Variants in SETD1B observed in about 807,000 individuals in gnomAD.
The protein encoded by SETD1B is SET domain containing 1B, histone lysine methyltransferase.
Under a neutral mutation model 148.0 loss-of-function variants are expected in SETD1B, and 7 were observed. That is an observed-to-expected ratio of 0.05 (90% CI 0.03 to 0.09). The LOEUF (loss-of-function observed/expected upper bound fraction) is 0.09. Ranked by LOEUF, SETD1B falls within the 10% of genes least tolerant of loss-of-function variation. SETD1B has a pLI of 1.00. For synonymous variants in SETD1B, 1,361 were observed against 1,186.5 expected (o/e 1.15, Z -3.02); for missense variants, 2,155 against 2,729.9 (o/e 0.79, Z 4.69).
At position 121,825,295 on chromosome 12, in the gene SETD1B, G is replaced by A. The variant is rs766680716; in HGVS notation, c.5266G>A (p.Asp1756Asn). 1.3e-6 allele frequency: 2 copies of A among 1,551,782 alleles called. No individual in the cohort carries two copies. Among genetic ancestry groups the A allele is most frequent in the African/African-American group, 1.4e-5 (1 of 73,172 alleles). ...CARSEGFYTI[D>N]KKDKLRYLNS... ...CCGCAGTGAGGGCTTCTACACCATC[G>A]ACAAGAAGGACAAGCTCAGATACCT... The change falls in exon 13 of 17, where the codon GAC becomes AAC. Residue 1756 changes from aspartate (D) to asparagine (N), a missense_variant. Coordinates refer to ENST00000604567, the MANE Select transcript of SETD1B (RefSeq NM_001353345.2).
At chr12:121,793,074 C>A in the SETD1B span, 1 of 1,259,946 alleles carries the variant, frequency 7.9e-7, no homozygotes, top group Non-Finnish European at 1.1e-6. Flanking sequence ...GGCGGGGACA[C>A]CCAGTGGGGG....
chr12:121,804,966 C>G lies in SETD1B; in HGVS notation c.174+55C>G. The G allele has an allele frequency of 6.8e-7, 1 of 1,472,524 alleles. No individual in the cohort carries two copies. The highest frequency in any genetic ancestry group is 9.0e-7 in the Non-Finnish European group (1 of 1,105,182). 91.2% of individuals were successfully genotyped at this position (1,472,524 alleles called of 1,614,324 possible). A position where few individuals can be genotyped will look rare whatever the true frequency, so the allele number is the denominator to read the frequency against. Reference sequence around the variant, plus strand: ...GCCCCGCGTCGTGTCCGGGGAGACGCGCCTAGCGGCCAGGGACCCCCCGCC... The same window carrying G: ...GCCCCGCGTCGTGTCCGGGGAGACGGGCCTAGCGGCCAGGGACCCCCCGCC... On this transcript the variant is annotated intron_variant, in intron 2 of 16. Coordinates refer to ENST00000604567, the MANE Select transcript of SETD1B (RefSeq NM_001353345.2). This position sits in a 1 kb window ranked among gnomAD's most constrained non-coding sequence, Gnocchi z 4.6.
At chr12:121,824,857 A>T (rs1214993575) in intron 12 of SETD1B, among the ~76,000 whole-genome samples, 1 of 151,986 alleles carries the variant, frequency 6.6e-6, no homozygotes, top group Non-Finnish European at 1.5e-5. Flanking sequence ...TACAAAAAAA[A>T]TCCAGAAATT....
rs1421949602 is a variant in SETD1B, at chr12:121,804,318, A to AGCGGGCGG, written c.-15+94_-15+101dup. 4 of 143,204 alleles carry AGCGGGCGG rather than the reference A, an allele frequency of 2.8e-5. No homozygotes were observed. The highest frequency in any genetic ancestry group is 1.0e-4 in the African/African-American group (4 of 39,432). 8.9% of individuals were successfully genotyped at this position (143,204 alleles called of 1,614,324 possible). A position where few individuals can be genotyped will look rare whatever the true frequency, so the allele number is the denominator to read the frequency against. On this transcript the variant is annotated intron_variant, in intron 1 of 16. Coordinates refer to ENST00000604567, the MANE Select transcript of SETD1B (RefSeq NM_001353345.2). This position sits in a 1 kb window ranked among gnomAD's most constrained non-coding sequence, Gnocchi z 4.6. ...GCCCCGGCCCTGGCCCGAGCGGGCG[A>AGCGGGCGG]GCGGGCGGGCGGGCGGCGGCGCCGC...
rs748283451 is a variant in SETD1B, at chr12:121,809,965, C to T, written c.1020C>T (p.Ala340=). The T allele has an allele frequency of 1.8e-5, 28 of 1,550,816 alleles. No individual in the cohort carries two copies. Among genetic ancestry groups the T allele is most frequent in the East Asian group, 2.4e-5 (1 of 40,930 alleles). Residue 340 remains alanine, a synonymous_variant, in exon 6 of 17, where the codon GCC becomes GCT. Transcript: ENST00000604567. ...ATTCTCCCGCGGTCACTGCGGTGGC[C>T]GGGGCCACAGCCGCTTTCCGGGGTT... ...VHNSPAVTAV[A]GATAAFRGSS... is the part of the protein sequence containing the mutation.
Position 121,806,058 on chromosome 12 carries a change from G to A in SETD1B, c.497G>A (p.Ser166Asn), listed in dbSNP as rs1221662855. Residue 166 changes from serine to asparagine, a missense_variant, in exon 4 of 17, where the codon AGC (serine) becomes AAC (asparagine). Around this residue, in one of 11 missense-constraint regions of SETD1B, gnomAD observed 124 missense variants for 282.9 expected, o/e 0.44. Transcript: ENST00000604567. The stretch of plus-strand genomic sequence containing the variant: ...AAGGATGCCGTTCAGCACTTGCACA[G>A]CACTTCCGTCATGGGCAACATTATC... ...GAKDAVQHLH[S>N]TSVMGNIIHV... The A allele has an allele frequency of 5.8e-6, 9 of 1,551,600 alleles. No homozygotes were observed.
chr12:121,823,771 C>T (rs1403195464), intron 12 of SETD1B, 22 bp downstream of exon 12: 2 of 1,525,742 alleles, frequency 1.3e-6, no homozygotes, highest in Non-Finnish European at 1.8e-6. Context: ...GCATGGGGGG[C>T]TCTGCACCTT....
chr12:121,812,533 C>A (rs769815573), intron 6 of SETD1B, among the ~76,000 whole-genome samples: 4 of 152,020 alleles, frequency 2.6e-5, no homozygotes, highest in Middle Eastern at 6.8e-3. Flanking sequence ...CTTCTCACCC[C>A]GAGACTGCTG....
Position 121,823,452 on chromosome 12 carries a change from C to T in SETD1B, c.4873C>T (p.Arg1625Cys), listed in dbSNP as rs1490192766. 6 of 1,549,688 alleles carry T rather than the reference C, an allele frequency of 3.9e-6. No individual in the cohort carries two copies. Among genetic ancestry groups the T allele is most frequent in the African/African-American group, 1.4e-5 (1 of 72,888 alleles). ...SEAIPPGPRG[R>C]DEVTEEYMEL... ...GGCCATTCCTCCGGGCCCCCGTGGGCGCGATGAGGTCACTGAGGAATACAT... is the reference window on the plus strand; with the variant it reads ...GGCCATTCCTCCGGGCCCCCGTGGGTGCGATGAGGTCACTGAGGAATACAT... The change falls in exon 12 of 17, where the codon CGC (arginine) becomes TGC (cysteine). Residue 1625 changes from arginine to cysteine, a missense_variant. By Grantham distance (180) the Arg-to-Cys change is radical (BLOSUM62 -3). Coordinates refer to ENST00000604567, the MANE Select transcript of SETD1B (RefSeq NM_001353345.2).
In SETD1B at chr12:121,805,789, A is replaced by G. The variant is rs1875714140; in HGVS notation, c.274-46A>G. The G allele has an allele frequency of 1.3e-6, 2 of 1,514,348 alleles. No individual in the cohort carries two copies. The highest frequency in any genetic ancestry group is 2.1e-5 in the Admixed American group (1 of 48,584). The allele number at this position is 1,514,348 out of a possible 1,614,324, so 93.8% of individuals were successfully genotyped here. ...CGGGGGGGATGTTGTGTTTTCCCTT[A>G]GGTTTAAACGTTCTTCAAACTCCCT... On this transcript the variant is annotated intron_variant, in intron 3 of 16. Transcript: ENST00000604567. This position sits in a 1 kb window ranked among gnomAD's most constrained non-coding sequence, Gnocchi z 4.2.
Position 121,827,665 on chromosome 12 carries a change from C to T in SETD1B, c.5469+15C>T. ...ACCAGCTCAAGGTGAGGCCGGGCTT[C>T]ACCCAGATCGCCGGGGTGGCGGCAG... On this transcript the variant is annotated intron_variant, in intron 14 of 16. Transcript: ENST00000604567. 1 of 1,551,644 alleles carries T rather than the reference C, an allele frequency of 6.4e-7. No individual in the cohort carries two copies. The highest frequency in any genetic ancestry group is 8.7e-7 in the Non-Finnish European group (1 of 1,146,904).
Position 121,830,255 on chromosome 12 carries a change from T to G in SETD1B, c.*16T>G. On this transcript the variant is annotated 3_prime_UTR_variant, in exon 17 of 17. Coordinates refer to ENST00000604567, the MANE Select transcript of SETD1B (RefSeq NM_001353345.2). The surrounding 1 kb of genome is among the most constrained non-coding windows in gnomAD (Gnocchi z 5.7). ...CCTCAACTAGGCCCCGGCACCAGAC[T>G]CAAAGGATGTCAGCCGTAGCCCTGG... The G allele has an allele frequency of 6.5e-7, 1 of 1,546,494 alleles. No individual in the cohort carries two copies. The highest frequency in any genetic ancestry group is 1.2e-5 in the South Asian group (1 of 83,910).
At chr12:121,794,567 T>C in the SETD1B span, among the ~76,000 whole-genome samples, 1 of 152,186 alleles carries the variant, frequency 6.6e-6, no homozygotes, top group East Asian at 1.9e-4. Flanking sequence ...ATGCGTTTCC[T>C]TGCCAGCAGC....
Position 121,804,661 on chromosome 12 carries a change from T to C in SETD1B, c.-14-63T>C, listed in dbSNP as rs1171695501. 3 of 1,406,692 alleles carry C rather than the reference T, an allele frequency of 2.1e-6. No homozygotes were observed. Among genetic ancestry groups the C allele is most frequent in the Admixed American group, 2.4e-5 (1 of 42,268 alleles). The allele number at this position is 1,406,692 out of a possible 1,614,324, so 87.1% of individuals were successfully genotyped here. On this transcript the variant is annotated intron_variant, in intron 1 of 16. Transcript: ENST00000604567. The surrounding 1 kb of genome is among the most constrained non-coding windows in gnomAD (Gnocchi z 4.6). ...GGCCTGCCGATTGGATTCTTTCGCG[T>C]GTGTGTAGAAGCGGCCGCCGCCGCC...
upstream of SETD1B, chr12:121,802,210 G>A (rs1167464267): frequency 6.6e-6 from 1 of 152,214 alleles, no homozygotes; most frequent in African/African-American, 2.4e-5. Context: ...TATAAAGCAA[G>A]ATCGTCTCAA....
At chr12:121,797,736 G>A in the SETD1B span, 5 of 379,314 alleles carry the variant, frequency 1.3e-5, no homozygotes, top group East Asian at 7.3e-5. Flanking sequence ...AAAGGGAGGC[G>A]CCACACCCTC....
upstream of SETD1B, chr12:121,800,076 C>G (rs1875253165): frequency 6.6e-6 from 1 of 152,164 alleles, no homozygotes; most frequent in Non-Finnish European, 1.5e-5. Context: ...CGCCCCTCCC[C>G]CAGCGGCCCG....
At chr12:121,798,587 TGA>T in the SETD1B span, among the ~76,000 whole-genome samples, 3 of 152,248 alleles carry the variant, frequency 2.0e-5, no homozygotes, top group East Asian at 1.9e-4. Context: ...TCACCAGCAC[TGA>T]GAGATCCTAG....
At chr12:121,806,175 A>C in intron 4 of SETD1B, 70 bp downstream of exon 4, 1 of 1,490,290 alleles carries the variant, frequency 6.7e-7, no homozygotes, top group African/African-American at 1.4e-5. Flanking sequence ...CCCTTCCTGC[A>C]GCGTGGGGAG....
Sources: allele counts gnomAD v4.1 joint callset (sites outside exome capture counted in the v4.1 genomes callset), GRCh38; gene constraint gnomAD v4.1.1; regional missense constraint gnomAD v4.1.1; non-coding constraint Gnocchi (gnomAD v3.1); transcripts MANE v1.5; gene names NCBI Gene and HGNC (gene_info 2026-07-23, HGNC 2026-07-21).